The following PTPRK variants were observed in gnomAD, a reference collection of about 807,000 sequenced individuals.
PTPRK encodes the protein protein tyrosine phosphatase receptor type K, also known as receptor-type tyrosine-protein phosphatase kappa.
Under a neutral mutation model 178.0 loss-of-function variants are expected in PTPRK, and 75 were observed. The observed-to-expected ratio is 0.42, with a 90% confidence interval of 0.35 to 0.51. PTPRK has a LOEUF of 0.51. Among genes scored for constraint, PTPRK ranks in the 20% least tolerant of loss-of-function variants. The probability of loss-of-function intolerance (pLI) is 0.02; values close to 1 mark genes in which losing one functional copy is unlikely to be tolerated. For synonymous variants in PTPRK, 637 were observed against 620.6 expected (o/e 1.03, Z -0.39); for missense variants, 1,441 against 1,797.8 (o/e 0.80, Z 3.59).
At chr6:128,062,476 A>G (rs1781015584) in intron 13 of PTPRK, 1 of 167,030 alleles carries the variant, frequency 6.0e-6, no homozygotes, top group African/African-American at 2.4e-5. Context: ...ACATTAAAAA[A>G]CAAGCGAACA....
At chr6:127,982,421 C>T (rs1272197424) in intron 24 of PTPRK, among the ~76,000 whole-genome samples, 3 of 152,218 alleles carry the variant, frequency 2.0e-5, no homozygotes, top group Non-Finnish European at 1.5e-5. Flanking sequence ...TACAGGCACC[C>T]GCCACCATGC....
intron 3 of PTPRK, among the ~76,000 whole-genome samples, chr6:128,278,409 G>A (rs1233861424): frequency 6.6e-6 from 1 of 152,000 alleles, no homozygotes; most frequent in Admixed American, 6.6e-5. Context: ...GCCCACCTTG[G>A]CCTCCCAAAG....
At chr6:128,400,803 A>G (rs1237795004) in intron 1 of PTPRK, among the ~76,000 whole-genome samples, 1 of 152,212 alleles carries the variant, frequency 6.6e-6, no homozygotes, top group African/African-American at 2.4e-5. Context: ...CTATTTAAAA[A>G]GAGAAATGTC....
chr6:128,089,058 T>C (rs1178606078), intron 8 of PTPRK, among the ~76,000 whole-genome samples: 2 of 152,140 alleles, frequency 1.3e-5, no homozygotes, highest in Non-Finnish European at 2.9e-5. Context: ...TGTCCCTGGG[T>C]TCAAGTGATT....
chr6:128,471,786 TA>T (rs1850701592), intron 1 of PTPRK, among the ~76,000 whole-genome samples: 1 of 151,878 alleles, frequency 6.6e-6, no homozygotes, highest in African/African-American at 2.4e-5. Flanking sequence ...TAACAATGGG[TA>T]TTTTCACACT....
intron 13 of PTPRK, among the ~76,000 whole-genome samples, chr6:128,029,113 G>A (rs1399680944): frequency 1.3e-5 from 2 of 152,058 alleles, no homozygotes; most frequent in Non-Finnish European, 2.9e-5. Context: ...TTTGGTTTTG[G>A]GGGTTGGCTC....
chr6:128,497,879 G>C (rs540460131), intron 1 of PTPRK, among the ~76,000 whole-genome samples: 1 of 151,528 alleles, frequency 6.6e-6, no homozygotes, highest in East Asian at 1.9e-4. Flanking sequence ...TTTAAAATCT[G>C]AACTGTAGAA....
chr6:128,500,215 G>C (rs1192263807), intron 1 of PTPRK, among the ~76,000 whole-genome samples: 1 of 152,152 alleles, frequency 6.6e-6, no homozygotes, highest in Non-Finnish European at 1.5e-5. Context: ...GCTAAATATA[G>C]TGAGACATGA....
chr6:128,398,069 C>A (rs905278079), intron 1 of PTPRK, among the ~76,000 whole-genome samples: 1 of 152,036 alleles, frequency 6.6e-6, no homozygotes, highest in Non-Finnish European at 1.5e-5. Context: ...CACACCAAAG[C>A]GAGGAAAGAA....
chr6:128,325,548 C>T (rs141332481), intron 2 of PTPRK, among the ~76,000 whole-genome samples: 113 of 151,906 alleles, frequency 7.4e-4, no homozygotes, highest in African/African-American at 2.5e-3. Context: ...GACATTTATG[C>T]GGCCAACAAA....
chr6:128,405,293 G>A (rs1841521245), intron 1 of PTPRK, among the ~76,000 whole-genome samples: 1 of 152,072 alleles, frequency 6.6e-6, no homozygotes, highest in South Asian at 2.1e-4. Context: ...ATAAACCAGT[G>A]AATTTTCTAT....
At chr6:128,412,588 T>C (rs563354478) in intron 1 of PTPRK, among the ~76,000 whole-genome samples, 5 of 152,266 alleles carry the variant, frequency 3.3e-5, no homozygotes, top group African/African-American at 1.2e-4. Context: ...CAAACTAGAA[T>C]GGTAGGCCAG....
intron 13 of PTPRK, among the ~76,000 whole-genome samples, chr6:128,044,811 ATTAC>A (rs1329491937): frequency 1.3e-5 from 2 of 151,892 alleles, no homozygotes; most frequent in Admixed American, 6.6e-5. Flanking sequence ...AACTATCTTG[ATTAC>A]TTAATTTGTA....
chr6:128,459,052 T>G (rs1318641889), intron 1 of PTPRK, among the ~76,000 whole-genome samples: 1 of 152,124 alleles, frequency 6.6e-6, no homozygotes, highest in Non-Finnish European at 1.5e-5. Context: ...CAGTACAGGT[T>G]AAAAGTATCA....
intron 3 of PTPRK, among the ~76,000 whole-genome samples, chr6:128,261,748 T>C (rs894165143): frequency 3.3e-5 from 5 of 152,204 alleles, no homozygotes; most frequent in African/African-American, 4.8e-5. Flanking sequence ...GACTAGCTCA[T>C]TGAACAGCAG....
chr6:128,014,899 G>A (rs1222852012), intron 13 of PTPRK, among the ~76,000 whole-genome samples: 2 of 151,592 alleles, frequency 1.3e-5, no homozygotes, highest in African/African-American at 4.8e-5. Flanking sequence ...GGGTCTACCA[G>A]AGATTTTACT....
intron 1 of PTPRK, among the ~76,000 whole-genome samples, chr6:128,426,879 A>T (rs1483783865): frequency 6.6e-6 from 1 of 152,226 alleles, no homozygotes; most frequent in Non-Finnish European, 1.5e-5. Flanking sequence ...TAAACTGGTA[A>T]GACTTAAGAT....
chr6:128,255,192 T>C (rs969348789), intron 3 of PTPRK, among the ~76,000 whole-genome samples: 4 of 152,090 alleles, frequency 2.6e-5, no homozygotes, highest in African/African-American at 9.7e-5. Flanking sequence ...GGTTTCACCA[T>C]GTTGGCCAGG....
At chr6:128,009,322 A>G (rs1238160574) in intron 13 of PTPRK, 54 bp from the exon 14 acceptor site, 9 of 1,546,806 alleles carry the variant, frequency 5.8e-6, no homozygotes, top group Non-Finnish European at 7.9e-6. Flanking sequence ...AATCACAGAA[A>G]AAAATTATTC....
Sources: gnomAD v4.1 joint callset for allele counts (sites outside exome capture counted in the v4.1 genomes callset) on GRCh38, gnomAD v4.1.1 for gene constraint, MANE v1.5 for transcripts, NCBI Gene and HGNC (gene_info 2026-07-23, HGNC 2026-07-21) for gene names.